EML4: variants seen among roughly 807,000 people sequenced by gnomAD.
EML4 encodes the protein echinoderm microtubule-associated protein-like 4.
In EML4, 72 loss-of-function variants were observed where a neutral mutation model predicts 129.0. The ratio of observed to expected loss-of-function variants is 0.56; its 90% CI spans 0.46 to 0.68. The LOEUF is 0.68. Among genes scored for constraint, EML4 ranks in the 30% least tolerant of loss-of-function variants. The pLI is 0.00. For missense variants in EML4, 1,363 were observed against 1,190.6 expected (o/e 1.14, Z -2.13); for synonymous variants, 532 against 405.0 (o/e 1.31, Z -3.77).
intron 1 of EML4, among the ~76,000 whole-genome samples, chr2:42,191,664 T>G (rs1188989160): frequency 2.0e-5 from 3 of 152,240 alleles, no homozygotes; most frequent in Non-Finnish European, 4.4e-5. Flanking sequence ...GATTTAAAAT[T>G]ATTTAATTTT....
chr2:42,251,192 T>C (rs1329685559), intron 2 of EML4, among the ~76,000 whole-genome samples: 1 of 152,220 alleles, frequency 6.6e-6, no homozygotes, highest in Non-Finnish European at 1.5e-5. Context: ...TGGTATAGTC[T>C]GTTGCTCCTA....
At chr2:42,208,101 T>G (rs989021297) in intron 1 of EML4, 3 of 152,222 alleles carry the variant, frequency 2.0e-5, no homozygotes, top group East Asian at 3.8e-4. Flanking sequence ...TACATTTGTT[T>G]ACTACCTTTT....
Position 42,282,817 on chromosome 2 carries a change from G to A in EML4, c.792-6G>A, listed in dbSNP as rs1218890285. Reference sequence around the variant, plus strand: ...TATTTAAAACCTTGACTCTTTTTCTGTTAAGATATGGTTATCGAGGAAAGG... The same window carrying A: ...TATTTAAAACCTTGACTCTTTTTCTATTAAGATATGGTTATCGAGGAAAGG... On this transcript the variant is annotated splice_region_variant and splice_polypyrimidine_tract_variant and intron_variant, in intron 7 of 22. Transcript: ENST00000318522. 1 of 1,607,028 alleles carries A rather than the reference G, an allele frequency of 6.2e-7. No individual in the cohort carries two copies. Among genetic ancestry groups the A allele is most frequent in the Non-Finnish European group, 8.5e-7 (1 of 1,177,528 alleles).
intron 1 of EML4, among the ~76,000 whole-genome samples, chr2:42,228,220 CAA>C (rs35772596): frequency 2.3e-4 from 33 of 143,394 alleles, no homozygotes; most frequent in Non-Finnish European, 4.0e-4. Flanking sequence ...GACTCTGTCT[CAA>C]AAAAAAAAAA....
chr2:42,319,186 C>T (rs1461102806), intron 19 of EML4, among the ~76,000 whole-genome samples: 1 of 152,144 alleles, frequency 6.6e-6, no homozygotes, highest in African/African-American at 2.4e-5. Context: ...AGATCAAGGA[C>T]TTGAACACAA....
chr2:42,273,896 A>G (rs146644700), intron 6 of EML4, among the ~76,000 whole-genome samples: 93 of 152,276 alleles, frequency 6.1e-4, no homozygotes, highest in African/African-American at 2.2e-3. Context: ...TACAGATTCC[A>G]TTGTTTCATT....
At chr2:42,245,141 C>G (rs995950766) in intron 1 of EML4, among the ~76,000 whole-genome samples, 1 of 94,702 alleles carries the variant, frequency 1.1e-5, no homozygotes, top group Non-Finnish European at 2.0e-5. Context: ...GTTGCCCAGA[C>G]TAGAGTGCAG....
At chr2:42,257,253 T>A (rs1032400233) in intron 3 of EML4, among the ~76,000 whole-genome samples, 4 of 152,200 alleles carry the variant, frequency 2.6e-5, no homozygotes, top group African/African-American at 9.7e-5. Context: ...ATAAAAGTGC[T>A]CACAGGATTT....
intron 1 of EML4, among the ~76,000 whole-genome samples, chr2:42,186,478 G>T (rs1052988832): frequency 6.6e-6 from 1 of 152,166 alleles, no homozygotes; most frequent in Non-Finnish European, 1.5e-5. Context: ...AAATGTATGA[G>T]AAAGTGTTTT....
At chr2:42,291,396 A>G (rs369016429) in intron 11 of EML4, among the ~76,000 whole-genome samples, 25 of 124,182 alleles carry the variant, frequency 2.0e-4, no homozygotes, top group African/African-American at 7.7e-4. Flanking sequence ...TTATCAAGAC[A>G]CCTTTTTTTT....
In EML4 at chr2:42,261,423, C is replaced by A. The variant is rs565753598; in HGVS notation, c.512+129C>A. 9.5e-5 allele frequency: 66 copies of A among 693,016 alleles called. No homozygotes were observed. In the East Asian group the frequency reaches 1.7e-3, roughly 18 times the overall value. 42.9% of individuals were successfully genotyped at this position (693,016 alleles called of 1,614,324 possible). On this transcript the variant is annotated intron_variant, in intron 4 of 22. Transcript: ENST00000318522. ...CTGGTGGCTTTATTTTTCCCTTCTTCATTGCTTATAATTTATGCTTTATAG... is the reference window on the plus strand; with the variant it reads ...CTGGTGGCTTTATTTTTCCCTTCTTAATTGCTTATAATTTATGCTTTATAG...
chr2:42,247,034 T>A lies in EML4; in HGVS notation c.208+1347T>A, dbSNP rs191572305. Among the ~76,000 whole-genome samples, 15 of 152,320 alleles carry A rather than the reference T, an allele frequency of 9.8e-5. No homozygotes were observed. The East Asian group carries it at 2.9e-3, about 29-fold the overall frequency. On this transcript the variant is annotated intron_variant, in intron 2 of 22. Transcript: ENST00000318522. ...TCACCTGAGTGGAAGACGGTGGTAA[T>A]AGCTAGGAGAGGATGCTATGTTGAA...
chr2:42,296,477 T>TCTC lies in EML4; in HGVS notation c.1489+961_1489+962insCTC, dbSNP rs1553388818. On this transcript the variant is annotated intron_variant, in intron 13 of 22. Coordinates refer to ENST00000318522, the MANE Select transcript of EML4 (RefSeq NM_019063.5). ...AACACACTGGAACAACACCTTATAC[T>TCTC]TCTCTCTCTCTCTCTCTCTCTGGAG... Among the ~76,000 whole-genome samples the TCTC allele has an allele frequency of 4.3e-3, 643 of 149,006 alleles. 15 individuals are homozygous for TCTC. The East Asian group carries it at 0.067, about 15-fold the overall frequency.
chr2:42,319,197 T>A (rs965035056), intron 19 of EML4, among the ~76,000 whole-genome samples: 1 of 152,198 alleles, frequency 6.6e-6, no homozygotes, highest in Non-Finnish European at 1.5e-5. Context: ...TTGAACACAA[T>A]TCTACTAACT....
intron 4 of EML4, among the ~76,000 whole-genome samples, chr2:42,261,859 C>T (rs540738657): frequency 1.4e-4 from 22 of 152,100 alleles, no homozygotes; most frequent in African/African-American, 4.8e-4. Context: ...CTTCTGTGTC[C>T]GTAATAATTA....
intron 1 of EML4, among the ~76,000 whole-genome samples, chr2:42,197,715 C>T (rs1403944513): frequency 2.0e-5 from 3 of 152,060 alleles, no homozygotes; most frequent in African/African-American, 7.2e-5. Flanking sequence ...ATTGGCACTT[C>T]AGAAGAAACC....
chr2:42,233,439 G>T (rs533949437), intron 1 of EML4, among the ~76,000 whole-genome samples: 3 of 151,724 alleles, frequency 2.0e-5, no homozygotes, highest in South Asian at 2.1e-4. Flanking sequence ...CCCAGTAGCT[G>T]GGACTATAGG....
chr2:42,189,768 C>T (rs1405501937), intron 1 of EML4, among the ~76,000 whole-genome samples: 10 of 152,124 alleles, frequency 6.6e-5, no homozygotes, highest in East Asian at 1.9e-4. Context: ...TTTCAAAATA[C>T]GGTGCTTTCC....
chr2:42,243,949 A>G (rs1558533824), intron 1 of EML4, among the ~76,000 whole-genome samples: 1 of 152,170 alleles, frequency 6.6e-6, no homozygotes, highest in Non-Finnish European at 1.5e-5. Flanking sequence ...TGTGGTCCAA[A>G]CAGCTCTTAC....
Sources: allele counts gnomAD v4.1 joint callset (sites outside exome capture counted in the v4.1 genomes callset), GRCh38; gene constraint gnomAD v4.1.1; transcripts MANE v1.5; gene names NCBI Gene and HGNC (gene_info 2026-07-23, HGNC 2026-07-21).